The following BRINP1 variants were observed in gnomAD, a reference collection of about 807,000 sequenced individuals.
The protein encoded by BRINP1 is BMP/retinoic acid-inducible neural-specific protein 1.
Under a neutral mutation model 72.9 loss-of-function variants are expected in BRINP1, and 17 were observed. The ratio of observed to expected loss-of-function variants is 0.23; its 90% CI spans 0.16 to 0.35. BRINP1 has a LOEUF of 0.35. Among genes scored for constraint, BRINP1 ranks in the 10% least tolerant of loss-of-function variants. BRINP1 has a pLI of 1.00. For missense variants in BRINP1, 850 were observed against 1,001.6 expected, an observed-to-expected ratio of 0.85 and a Z score of 2.04; for synonymous variants, 418 against 378.5, an observed-to-expected ratio of 1.10 and a Z score of -1.21.
At chr9:119,365,705 G>T (rs1831683718) in intron 1 of BRINP1, among the ~76,000 whole-genome samples, 1 of 152,148 alleles carries the variant, frequency 6.6e-6, no homozygotes, top group South Asian at 2.1e-4. Context: ...AGGGGAGGGT[G>T]TTTTTACAAT....
At chr9:119,223,655 G>C (rs761966246) in intron 5 of BRINP1, among the ~76,000 whole-genome samples, 3 of 152,016 alleles carry the variant, frequency 2.0e-5, no homozygotes, top group Non-Finnish European at 2.9e-5. Flanking sequence ...TTTGAATGAA[G>C]GCAATTTTAG....
intron 2 of BRINP1, among the ~76,000 whole-genome samples, chr9:119,308,497 T>C (rs936046724): frequency 1.3e-5 from 2 of 152,208 alleles, no homozygotes; most frequent in African/African-American, 4.8e-5. Context: ...TCTATACTCT[T>C]GAATGACTGC....
intron 2 of BRINP1, among the ~76,000 whole-genome samples, chr9:119,300,274 A>C (rs1447159222): frequency 6.6e-6 from 1 of 152,206 alleles, no homozygotes; most frequent in Admixed American, 6.5e-5. Flanking sequence ...GGTACAAAAA[A>C]TAGAAAAAAT....
At chr9:119,291,428 C>T (rs1277827664) in intron 2 of BRINP1, among the ~76,000 whole-genome samples, 1 of 152,146 alleles carries the variant, frequency 6.6e-6, no homozygotes, top group Non-Finnish European at 1.5e-5. Flanking sequence ...ACAGTGACTG[C>T]CCACTCAGTT....
chr9:119,293,797 T>C (rs1273162033), intron 2 of BRINP1, among the ~76,000 whole-genome samples: 1 of 152,094 alleles, frequency 6.6e-6, no homozygotes, highest in Non-Finnish European at 1.5e-5. Context: ...ATAAGAGCTA[T>C]GGAGTATTGT....
At chr9:119,351,476 G>A (rs1831507557) in intron 1 of BRINP1, among the ~76,000 whole-genome samples, 1 of 151,860 alleles carries the variant, frequency 6.6e-6, no homozygotes, top group African/African-American at 2.4e-5. Flanking sequence ...GGCAATACAA[G>A]CCAATGCTTC....
chr9:119,249,332 G>C (rs1368366025), intron 2 of BRINP1, among the ~76,000 whole-genome samples, 182 bp from the exon 3 acceptor site: 1 of 152,142 alleles, frequency 6.6e-6, no homozygotes, highest in Non-Finnish European at 1.5e-5. Flanking sequence ...TATTTATAGA[G>C]TACTATTCTC....
intron 2 of BRINP1, among the ~76,000 whole-genome samples, chr9:119,310,998 T>C (rs1831060226): frequency 1.3e-5 from 2 of 152,194 alleles, no homozygotes; most frequent in Admixed American, 1.3e-4. Flanking sequence ...GCCTAATCCT[T>C]GTACATTGTT....
intron 2 of BRINP1, among the ~76,000 whole-genome samples, chr9:119,280,667 G>A (rs186687449): frequency 5.9e-5 from 9 of 152,140 alleles, no homozygotes; most frequent in Admixed American, 1.3e-4. Context: ...TAATGTCCCC[G>A]CCTCATTCAT....
Position 119,313,388 on chromosome 9 carries a change from G to T in BRINP1, c.-33C>A. 1 of 1,611,278 alleles carries T rather than the reference G, an allele frequency of 6.2e-7. No homozygotes were observed. Among genetic ancestry groups the T allele is most frequent in the Non-Finnish European group, 8.5e-7 (1 of 1,179,290 alleles). On this transcript the variant is annotated 5_prime_UTR_variant, in exon 2 of 8. Transcript: ENST00000265922. ...TGCCGGCCTTTTTCCTCTCATTCTT[G>T]CTCCATTCTGTGGAGTCCTATAGAA... is the stretch of plus-strand genomic sequence containing the variant.
intron 7 of BRINP1, among the ~76,000 whole-genome samples, chr9:119,179,010 C>T (rs917201871): frequency 3.3e-5 from 5 of 152,108 alleles, no homozygotes; most frequent in Non-Finnish European, 7.3e-5. Flanking sequence ...TTGGGGCTCC[C>T]GACAAGTGCA....
chr9:119,193,294 T>A (rs1829701315), intron 7 of BRINP1, among the ~76,000 whole-genome samples: 1 of 152,110 alleles, frequency 6.6e-6, no homozygotes, highest in Non-Finnish European at 1.5e-5. Context: ...TACAAAACAT[T>A]ATTGTAAGTG....
At chr9:119,307,001 T>A (rs935833259) in intron 2 of BRINP1, among the ~76,000 whole-genome samples, 8 of 152,114 alleles carry the variant, frequency 5.3e-5, no homozygotes, top group Admixed American at 4.6e-4. Flanking sequence ...TCTTTTTTTT[T>A]CTTCTTCCCC....
intron 1 of BRINP1, among the ~76,000 whole-genome samples, chr9:119,354,318 T>C (rs1831537201): frequency 6.6e-6 from 1 of 152,162 alleles, no homozygotes; most frequent in Non-Finnish European, 1.5e-5. Context: ...AAACTAATGA[T>C]TTCAAGTCAT....
chr9:119,214,392 C>T (rs1230416499), intron 5 of BRINP1, among the ~76,000 whole-genome samples: 1 of 152,202 alleles, frequency 6.6e-6, no homozygotes, highest in Non-Finnish European at 1.5e-5. Flanking sequence ...GAAAGGCATA[C>T]TCTATTCTGT....
chr9:119,224,963 A>G lies in BRINP1; in HGVS notation c.686-10808T>C, dbSNP rs897690077. Among the ~76,000 whole-genome samples the G allele has an allele frequency of 6.6e-5, 10 of 152,052 alleles. No individual in the cohort carries two copies. In the East Asian group the frequency reaches 1.9e-3, roughly 29 times the overall value. On this transcript the variant is annotated intron_variant, in intron 5 of 7. Transcript: ENST00000265922. ...ATGTAATAATGAAATCTGCCACAAA[A>G]TACACTTATTTTTACACCAAATCTT...
intron 1 of BRINP1, among the ~76,000 whole-genome samples, chr9:119,359,341 A>G (rs553601324): frequency 6.6e-6 from 1 of 152,160 alleles, no homozygotes; most frequent in Non-Finnish European, 1.5e-5. Flanking sequence ...GACTACAGGC[A>G]TATGCCACCA....
At chr9:119,246,819 G>A (rs893837761) in intron 3 of BRINP1, among the ~76,000 whole-genome samples, 7 of 152,202 alleles carry the variant, frequency 4.6e-5, no homozygotes, top group Non-Finnish European at 1.0e-4. Context: ...ATGGCACATA[G>A]TGTTCAATCA....
intron 1 of BRINP1, among the ~76,000 whole-genome samples, chr9:119,315,847 A>G (rs542755613): frequency 6.6e-6 from 1 of 152,318 alleles, no homozygotes; most frequent in South Asian, 2.1e-4. Flanking sequence ...CTTAAGCCAA[A>G]GCCTAATTCA....
Sources: allele counts gnomAD v4.1 joint callset (sites outside exome capture counted in the v4.1 genomes callset), GRCh38; gene constraint gnomAD v4.1.1; transcripts MANE v1.5; gene names NCBI Gene and HGNC (gene_info 2026-07-23, HGNC 2026-07-21).